Variants in HCFC2 observed in about 807,000 individuals in gnomAD.
HCFC2 encodes host cell factor 2.
HCFC2 carries 18 observed loss-of-function variants against 89.2 expected under a neutral mutation model. That is an observed-to-expected ratio of 0.20 (90% CI 0.14 to 0.30). HCFC2 has a LOEUF of 0.30. HCFC2 is among the 10% of genes least tolerant of loss of function. HCFC2 has a pLI of 1.00. For synonymous variants in HCFC2, 308 were observed against 335.7 expected (o/e 0.92, Z 0.90); for missense variants, 578 against 956.1 (o/e 0.60, Z 5.21).
chr12:104,085,174 A>G (rs1250129019), intron 7 of HCFC2, among the ~76,000 whole-genome samples: 1 of 152,236 alleles, frequency 6.6e-6, no homozygotes, highest in Non-Finnish European at 1.5e-5. Flanking sequence ...AGCTGAGATT[A>G]TACATTTTCT....
At chr12:104,098,780 C>T (rs1224126787) in intron 13 of HCFC2, among the ~76,000 whole-genome samples, 1 of 152,162 alleles carries the variant, frequency 6.6e-6, no homozygotes. Context: ...GCAGGCAGAT[C>T]ACGAGGTCAG....
intron 2 of HCFC2, among the ~76,000 whole-genome samples, chr12:104,067,391 A>T (rs569782606): frequency 6.6e-6 from 1 of 152,248 alleles, no homozygotes; most frequent in South Asian, 2.1e-4. Context: ...TTTCTTCCTG[A>T]TCTGTGCCTT....
rs557220183 is a variant in HCFC2 at position 104,105,971 on chromosome 12, A to G, written c.*2698A>G. The G allele has an allele frequency of 6.6e-6, 1 of 152,198 alleles. No homozygotes were observed. The highest frequency in any genetic ancestry group is 2.1e-4 in the South Asian group (1 of 4,818). The allele number at this position is 152,198 out of a possible 1,614,324, so 9.4% of individuals were successfully genotyped here. On this transcript the variant is annotated 3_prime_UTR_variant, in exon 15 of 15. Coordinates refer to ENST00000229330, the MANE Select transcript of HCFC2 (RefSeq NM_013320.3). The stretch of plus-strand genomic sequence containing the variant: ...AACTCTGGCTCTCATAAGTAGTAAA[A>G]ATATTTTTGATGTTGCATGCTCTCA...
chr12:104,100,180 A>T (rs766426072), intron 13 of HCFC2, among the ~76,000 whole-genome samples: 23 of 152,210 alleles, frequency 1.5e-4, no homozygotes, highest in Non-Finnish European at 2.6e-4. Context: ...GAAACCCCTT[A>T]AAGAGGACCT....
chr12:104,099,237 A>G (rs987701574), intron 13 of HCFC2, among the ~76,000 whole-genome samples: 1 of 152,016 alleles, frequency 6.6e-6, no homozygotes, highest in Non-Finnish European at 1.5e-5. Flanking sequence ...CTCACTATAC[A>G]ATACTAAGGG....
intron 7 of HCFC2, among the ~76,000 whole-genome samples, chr12:104,086,163 A>G (rs961236217): frequency 7.2e-5 from 11 of 151,986 alleles, no homozygotes; most frequent in Admixed American, 6.6e-4. Context: ...ACGCCTGGCT[A>G]ATTTTCGTAT....
rs1555197467 is a variant in HCFC2 at position 104,102,949 on chromosome 12, C to CCG, written c.2065-9_2065-8insGC. The CCG allele has an allele frequency of 3.2e-4, 503 of 1,590,060 alleles. 3 individuals are homozygous for CCG. In the African/African-American group the frequency reaches 6.3e-3, roughly 20 times the overall value. On this transcript the variant is annotated splice_polypyrimidine_tract_variant and intron_variant, in intron 14 of 14. Transcript: ENST00000229330. ...GAACCTTTAACCTGTTTTTTCCCCCCCCCTTCAAGAATGTTGAAGGTATCC... is the reference window on the plus strand; with the variant it reads ...GAACCTTTAACCTGTTTTTTCCCCCCCGCCCTTCAAGAATGTTGAAGGTATCC...
rs1163810710 is a variant in HCFC2, at chr12:104,079,590, A to G, written c.619A>G (p.Lys207Glu). The change falls in exon 4 of 15, where the codon AAA becomes GAA. Residue 207 changes from lysine (K) to glutamate (E), a missense_variant. Coordinates refer to ENST00000229330, the MANE Select transcript of HCFC2 (RefSeq NM_013320.3). ...IYCKKDSGSP[K>E]MYVFGGMCGA... is the part of the protein sequence containing the mutation. ...TTGCAAAAAAGATTCTGGAAGTCCT[A>G]AAATGTATGTTTTTGGTGGAATGTG... 1 of 1,614,170 alleles carries G rather than the reference A, an allele frequency of 6.2e-7. No homozygotes were observed.
intron 3 of HCFC2, among the ~76,000 whole-genome samples, chr12:104,075,641 G>A (rs1489596922): frequency 6.6e-6 from 1 of 151,930 alleles, no homozygotes; most frequent in Non-Finnish European, 1.5e-5. Context: ...TAAGTTTTTT[G>A]TTGAGACAGG....
chr12:104,101,361 G>A (rs1010102900), intron 13 of HCFC2, among the ~76,000 whole-genome samples: 5 of 151,792 alleles, frequency 3.3e-5, no homozygotes, highest in African/African-American at 9.7e-5. Context: ...GGCAGGCATC[G>A]GTAATCTCAG....
chr12:104,078,538 G>A (rs945716136), intron 3 of HCFC2, among the ~76,000 whole-genome samples: 6 of 152,166 alleles, frequency 3.9e-5, no homozygotes, highest in African/African-American at 1.2e-4. Context: ...AAAAAGCTAT[G>A]TAGGACATTG....
In HCFC2 at chr12:104,095,614, T is replaced by TGG; in HGVS notation, c.1666+51_1666+52insGG. 1 of 1,410,016 alleles carries TGG rather than the reference T, an allele frequency of 7.1e-7. No homozygotes were observed. The highest frequency in any genetic ancestry group is 9.9e-7 in the Non-Finnish European group (1 of 1,012,294). 87.3% of individuals were successfully genotyped at this position (1,410,016 alleles called of 1,614,324 possible). A position where few individuals can be genotyped will look rare whatever the true frequency, so the allele number is the denominator to read the frequency against. On this transcript the variant is annotated intron_variant, in intron 11 of 14. Coordinates refer to ENST00000229330, the MANE Select transcript of HCFC2 (RefSeq NM_013320.3). This position sits in a 1 kb window ranked among gnomAD's most constrained non-coding sequence, Gnocchi z 4.2. ...ATTTTGAACCATTTATGTATATAAA[T>TGG]TCATCAAACTTACTTGTCTTAGATG... is the stretch of plus-strand genomic sequence containing the variant.
intron 3 of HCFC2, among the ~76,000 whole-genome samples, chr12:104,076,279 C>G (rs909772798): frequency 9.8e-5 from 15 of 152,336 alleles, no homozygotes; most frequent in Middle Eastern, 3.4e-3. Flanking sequence ...TTGCACCTGG[C>G]TCTATTAAAT....
chr12:104,079,611 A>G lies in HCFC2; in HGVS notation c.640A>G (p.Met214Val). 6.2e-7 allele frequency: 1 copy of G among 1,614,142 alleles called. No individual in the cohort carries two copies. The highest frequency in any genetic ancestry group is 8.5e-7 in the Non-Finnish European group (1 of 1,180,006). The stretch of plus-strand genomic sequence containing the variant: ...TCCTAAAATGTATGTTTTTGGTGGA[A>G]TGTGTGGTGCTCGCCTGGATGACCT... ...GSPKMYVFGG[M>V]CGARLDDLWQ... Residue 214 changes from methionine to valine, a missense_variant, in exon 4 of 15, where the codon ATG (methionine) becomes GTG (valine). Physicochemically the swap from Met to Val is conservative, Grantham distance 21. This residue lies in a region of HCFC2 where 206 missense variants were observed against 419.2 expected (regional missense o/e 0.49). Coordinates refer to ENST00000229330, the MANE Select transcript of HCFC2 (RefSeq NM_013320.3).
chr12:104,069,309 AAAAC>A (rs764052376), intron 3 of HCFC2, among the ~76,000 whole-genome samples: 86 of 152,288 alleles, frequency 5.6e-4, no homozygotes, highest in Non-Finnish European at 6.0e-4. Flanking sequence ...TTATCTTAAA[AAAAC>A]AAACAAACAA....
At position 104,064,976 on chromosome 12, in the gene HCFC2, G is replaced by A; in HGVS notation, c.163+253G>A. On this transcript the variant is annotated intron_variant, in intron 1 of 14. Transcript: ENST00000229330. The surrounding 1 kb of genome is among the most constrained non-coding windows in gnomAD (Gnocchi z 7.3). ...CACCGGCCTTCAGGCGGGGGATCCCGGACGCCCCCACCCCAGCCCGACAGG... is the reference window on the plus strand; with the variant it reads ...CACCGGCCTTCAGGCGGGGGATCCCAGACGCCCCCACCCCAGCCCGACAGG... 2.7e-6 allele frequency: 1 copy of A among 377,200 alleles called. No homozygotes were observed. The highest frequency in any genetic ancestry group is 4.7e-6 in the Non-Finnish European group (1 of 213,134). The allele number at this position is 377,200 out of a possible 1,614,324, so 23.4% of individuals were successfully genotyped here.
intron 9 of HCFC2, among the ~76,000 whole-genome samples, chr12:104,090,366 G>T (rs1055896192): frequency 6.6e-6 from 1 of 152,026 alleles, no homozygotes; most frequent in African/African-American, 2.4e-5. Context: ...TTTATCCCCA[G>T]TATGCTGAAA....
Position 104,076,879 on chromosome 12 carries a change from T to C in HCFC2, c.474-2566T>C, listed in dbSNP as rs151024902. On this transcript the variant is annotated intron_variant, in intron 3 of 14. Coordinates refer to ENST00000229330, the MANE Select transcript of HCFC2 (RefSeq NM_013320.3). ...CTTGTATTTTGTGTTTTCCATCCAC[T>C]CTGCTTCGTTGCCTTTCCTCCCTTT... Among the ~76,000 whole-genome samples the C allele has an allele frequency of 1.3e-3, 196 of 152,378 alleles. 6 individuals carry two copies. The South Asian group carries it at 0.03, about 23-fold the overall frequency.
chr12:104,087,496 T>C (rs75968732), intron 8 of HCFC2, among the ~76,000 whole-genome samples: 9 of 146,686 alleles, frequency 6.1e-5, no homozygotes, highest in Admixed American at 3.4e-4. Flanking sequence ...TATATATATA[T>C]ACACACATAC....
Sources: gnomAD v4.1 joint callset for allele counts (sites outside exome capture counted in the v4.1 genomes callset) on GRCh38, gnomAD v4.1.1 for gene constraint, gnomAD v4.1.1 regional missense constraint, Gnocchi (gnomAD v3.1) non-coding constraint, MANE v1.5 for transcripts, NCBI Gene and HGNC (gene_info 2026-07-23, HGNC 2026-07-21) for gene names.